The following CSMD1 variants were observed in gnomAD, a reference collection of about 807,000 sequenced individuals.
CSMD1 encodes the protein CUB and sushi domain-containing protein 1.
Under a neutral mutation model 417.5 loss-of-function variants are expected in CSMD1, and 213 were observed. The observed-to-expected ratio is 0.51, with a 90% CI of 0.46 to 0.57. CSMD1 has a LOEUF of 0.57. CSMD1 is among the 20% of genes least tolerant of loss of function. The probability of loss-of-function intolerance (pLI) is 0.00; values close to 1 mark genes in which losing one functional copy is unlikely to be tolerated. For synonymous variants in CSMD1, 2,862 were observed against 1,736.8 expected, an observed-to-expected ratio of 1.65 and a Z score of -16.11; for missense variants, 6,923 against 4,529.7, an observed-to-expected ratio of 1.53 and a Z score of -15.17.
intron 3 of CSMD1, among the ~76,000 whole-genome samples, chr8:4,400,401 T>G (rs563756021): frequency 6.6e-6 from 1 of 152,354 alleles, no homozygotes; most frequent in Admixed American, 6.5e-5. Flanking sequence ...TGTTTGCCGT[T>G]CCAGGAGCAT....
chr8:3,133,678 G>A (rs1431290948), intron 41 of CSMD1, among the ~76,000 whole-genome samples: 4 of 152,146 alleles, frequency 2.6e-5, no homozygotes, highest in East Asian at 1.9e-4. Flanking sequence ...TCAGAGGTAG[G>A]CGAAGAGACA....
At chr8:3,440,245 T>C (rs572010436) in intron 12 of CSMD1, among the ~76,000 whole-genome samples, 43 of 152,282 alleles carry the variant, frequency 2.8e-4, no homozygotes, top group African/African-American at 8.7e-4. Context: ...ATTTGGGAGA[T>C]TTGAGATCTT....
intron 2 of CSMD1, among the ~76,000 whole-genome samples, chr8:4,625,920 C>G (rs1419044957): frequency 6.6e-6 from 1 of 152,086 alleles, no homozygotes; most frequent in Non-Finnish European, 1.5e-5. Context: ...GACGGGGTTT[C>G]ACCATGTTGG....
At chr8:3,794,976 G>C (rs1453430844) in intron 5 of CSMD1, among the ~76,000 whole-genome samples, 1 of 149,586 alleles carries the variant, frequency 6.7e-6, no homozygotes, top group South Asian at 2.1e-4. Flanking sequence ...TATAGCTATA[G>C]ATATATATCT....
chr8:4,448,031 TC>T (rs1051979382), intron 2 of CSMD1, among the ~76,000 whole-genome samples: 3 of 152,190 alleles, frequency 2.0e-5, no homozygotes, highest in African/African-American at 7.2e-5. Context: ...CTAAAGTGGT[TC>T]CGCATGAGGT....
intron 1 of CSMD1, among the ~76,000 whole-genome samples, chr8:4,847,645 C>A (rs150191742): frequency 1.3e-5 from 2 of 152,168 alleles, no homozygotes; most frequent in East Asian, 3.9e-4. Flanking sequence ...CCCTGTATAA[C>A]ATTTAGACAT....
chr8:3,597,464 G>A (rs1584940022), intron 8 of CSMD1, among the ~76,000 whole-genome samples: 1 of 152,110 alleles, frequency 6.6e-6, no homozygotes, highest in South Asian at 2.1e-4. Context: ...GTTATTTTCA[G>A]GTCACCAGGC....
intron 26 of CSMD1, among the ~76,000 whole-genome samples, chr8:3,271,413 G>C (rs948073475): frequency 2.0e-5 from 3 of 151,820 alleles, no homozygotes; most frequent in South Asian, 2.1e-4. Context: ...CTTTATAGCA[G>C]CATGATTTAT....
intron 37 of CSMD1, among the ~76,000 whole-genome samples, chr8:3,171,612 C>A (rs9692774): frequency 0.036 from 5,411 of 152,176 alleles, 339 homozygotes; most frequent in African/African-American, 0.12. Context: ...ACAGAGAATT[C>A]TTTCAAGTTT....
intron 3 of CSMD1, among the ~76,000 whole-genome samples, chr8:4,321,836 C>T (rs1354212624): frequency 6.6e-6 from 1 of 152,068 alleles, no homozygotes; most frequent in Admixed American, 6.6e-5. Context: ...TGTAGTTACA[C>T]TACTTGACAC....
At chr8:4,095,033 G>T (rs949975701) in intron 3 of CSMD1, among the ~76,000 whole-genome samples, 2 of 152,154 alleles carry the variant, frequency 1.3e-5, no homozygotes, top group East Asian at 1.9e-4. Context: ...AAGATCTTGA[G>T]AAAGTCATGT....
At chr8:4,449,984 T>C (rs1053206150) in intron 2 of CSMD1, among the ~76,000 whole-genome samples, 2 of 152,196 alleles carry the variant, frequency 1.3e-5, no homozygotes, top group Non-Finnish European at 2.9e-5. Context: ...TGCCTTTCAC[T>C]GGCCCTGTCC....
intron 1 of CSMD1, among the ~76,000 whole-genome samples, chr8:4,894,547 C>T (rs868735817): frequency 1.9e-4 from 17 of 89,240 alleles, no homozygotes; most frequent in Middle Eastern, 5.2e-3. Context: ...AGCGAGAACT[C>T]ATCTCAAAAA....
Position 3,001,448 on chromosome 8 carries a change from G to C in CSMD1, c.8030-1317C>G, listed in dbSNP as rs142636865. 7.8e-3 allele frequency among the ~76,000 whole-genome samples: 1,193 copies of C among 152,214 alleles called. 18 individuals are homozygous for C. Among genetic ancestry groups the C allele is most frequent in the African/African-American group, 0.027 (1,126 of 41,514 alleles). On this transcript the variant is annotated intron_variant, in intron 52 of 69. Coordinates refer to ENST00000635120, the MANE Select transcript of CSMD1 (RefSeq NM_033225.6). ...ATTAACAAAATATACAGGCTGAAGA[G>C]TAACTTACATGAATTGGACCTGTGT...
At chr8:4,649,451 T>G (rs1165198271) in intron 1 of CSMD1, among the ~76,000 whole-genome samples, 5 of 152,308 alleles carry the variant, frequency 3.3e-5, no homozygotes, top group Admixed American at 6.5e-5. Context: ...CTTGAGTGAT[T>G]TTTTCCAAAG....
At chr8:3,221,853 T>G (rs1399720592) in intron 28 of CSMD1, among the ~76,000 whole-genome samples, 2 of 151,946 alleles carry the variant, frequency 1.3e-5, no homozygotes, top group African/African-American at 4.8e-5. Context: ...GTCCTTCAGG[T>G]CATATGATTC....
intron 37 of CSMD1, among the ~76,000 whole-genome samples, chr8:3,175,450 C>T (rs1023830384): frequency 5.1e-5 from 7 of 138,322 alleles, no homozygotes; most frequent in African/African-American, 1.9e-4. Flanking sequence ...TCCCTCCCTC[C>T]CTTCCTTCTT....
At chr8:3,266,017 G>A (rs1193067511) in intron 26 of CSMD1, among the ~76,000 whole-genome samples, 1 of 151,930 alleles carries the variant, frequency 6.6e-6, no homozygotes, top group African/African-American at 2.4e-5. Context: ...CATCTTACAG[G>A]TTCATGAGGT....
At chr8:4,085,583 C>T (rs1462911431) in intron 3 of CSMD1, among the ~76,000 whole-genome samples, 4 of 152,146 alleles carry the variant, frequency 2.6e-5, no homozygotes, top group Admixed American at 2.6e-4. Flanking sequence ...ATGAAAGAAA[C>T]TATCGACGCT....
Sources: gnomAD v4.1 joint callset for allele counts (sites outside exome capture counted in the v4.1 genomes callset) on GRCh38, gnomAD v4.1.1 for gene constraint, MANE v1.5 for transcripts, NCBI Gene and HGNC (gene_info 2026-07-23, HGNC 2026-07-21) for gene names.